NAV2: variants seen among roughly 807,000 people sequenced by gnomAD.
NAV2 encodes neuron navigator 2.
In NAV2, 54 loss-of-function variants were observed where a neutral mutation model predicts 223.2. The observed-to-expected ratio is 0.24, with a 90% CI of 0.19 to 0.30. The LOEUF is 0.30. Among genes scored for constraint, NAV2 ranks in the 10% least tolerant of loss-of-function variants. The probability of loss-of-function intolerance (pLI) is 1.00; values close to 1 mark genes in which losing one functional copy is unlikely to be tolerated. For synonymous variants in NAV2, 1,279 were observed against 1,239.3 expected (o/e 1.03, Z -0.67); for missense variants, 2,806 against 3,147.5 (o/e 0.89, Z 2.60).
At chr11:19,386,239 C>A (rs1849038179) in intron 1 of NAV2, among the ~76,000 whole-genome samples, 1 of 152,210 alleles carries the variant, frequency 6.6e-6, no homozygotes. Flanking sequence ...ACAGAAGGAA[C>A]AGCTCTGAAG....
intron 1 of NAV2, among the ~76,000 whole-genome samples, chr11:19,661,620 T>C (rs2048286038): frequency 6.6e-6 from 1 of 152,216 alleles, no homozygotes; most frequent in Admixed American, 6.5e-5. Context: ...GTTCCTTAAA[T>C]ATACTGTATT....
intron 1 of NAV2, among the ~76,000 whole-genome samples, chr11:19,489,121 G>T (rs975993820): frequency 6.6e-6 from 1 of 152,228 alleles, no homozygotes; most frequent in African/African-American, 2.4e-5. Flanking sequence ...TATCCAGAAG[G>T]TTCCCTTTAC....
chr11:19,977,372 G>A (rs894813256), intron 10 of NAV2, among the ~76,000 whole-genome samples: 2 of 152,232 alleles, frequency 1.3e-5, no homozygotes, highest in African/African-American at 4.8e-5. Flanking sequence ...TCCAAAGGTT[G>A]TTGTTGGTTT....
intron 1 of NAV2, among the ~76,000 whole-genome samples, chr11:19,491,263 G>A (rs1302867012): frequency 6.6e-6 from 1 of 152,160 alleles, no homozygotes; most frequent in African/African-American, 2.4e-5. Context: ...TTGAAGATTT[G>A]AAGCCAGCCA....
chr11:19,500,979 C>T lies in NAV2; in HGVS notation c.75+149952C>T, dbSNP rs146886466. Among the ~76,000 whole-genome samples the T allele has an allele frequency of 5.3e-5, 8 of 152,314 alleles. No homozygotes were observed. In the East Asian group the frequency reaches 7.7e-4, roughly 15 times the overall value. Reference sequence around the variant, plus strand: ...TCTCACTGGGCTAAAATCAAGGCATCGGAAGGGCTGTGTTTCTTTCTGGGT... The same window carrying T: ...TCTCACTGGGCTAAAATCAAGGCATTGGAAGGGCTGTGTTTCTTTCTGGGT... On this transcript the variant is annotated intron_variant, in intron 1 of 37. Coordinates refer to the NAV2 transcript ENST00000360655.
At chr11:19,397,418 T>TGTGC (rs57566081) in intron 1 of NAV2, among the ~76,000 whole-genome samples, 5 of 145,264 alleles carry the variant, frequency 3.4e-5, no homozygotes, top group African/African-American at 5.2e-5. Context: ...TGTGTGTGTG[T>TGTGC]GCGCGCATGT....
chr11:19,994,859 C>A (rs2051713098), intron 11 of NAV2, among the ~76,000 whole-genome samples: 1 of 152,164 alleles, frequency 6.6e-6, no homozygotes, highest in Non-Finnish European at 1.5e-5. Context: ...TGGGTTTGTT[C>A]AGAATCATCA....
chr11:20,092,409 A>T, intron 28 of NAV2, 41 bp downstream of exon 28: 1 of 1,581,540 alleles, frequency 6.3e-7, no homozygotes, highest in Non-Finnish European at 8.6e-7. Flanking sequence ...ATGGACCTAC[A>T]GCTGGCACCC....
At chr11:19,526,297 A>G (rs547219205) in intron 1 of NAV2, among the ~76,000 whole-genome samples, 1 of 152,270 alleles carries the variant, frequency 6.6e-6, no homozygotes, top group African/African-American at 2.4e-5. Context: ...GAGGCCCCAC[A>G]ATGTTTTCGT....
intron 1 of NAV2, among the ~76,000 whole-genome samples, chr11:19,592,854 AAAT>A (rs2046100330): frequency 6.6e-6 from 1 of 152,226 alleles, no homozygotes; most frequent in South Asian, 2.1e-4. Flanking sequence ...AAAAATGTTG[AAAT>A]AATGATAGAT....
intron 1 of NAV2, chr11:19,714,341 G>A (rs1274606666): frequency 2.0e-6 from 1 of 492,812 alleles, no homozygotes; most frequent in Non-Finnish European, 4.0e-6. Flanking sequence ...GTGTCTGTCT[G>A]GCGGTTCCGC....
chr11:19,975,792 G>A (rs1217605615), intron 10 of NAV2, among the ~76,000 whole-genome samples: 2 of 152,208 alleles, frequency 1.3e-5, no homozygotes, highest in East Asian at 3.9e-4. Flanking sequence ...GCTCAGCCAG[G>A]ATCTACTTCT....
chr11:19,791,467 A>G (rs1406565730), intron 1 of NAV2, among the ~76,000 whole-genome samples: 1 of 152,146 alleles, frequency 6.6e-6, no homozygotes, highest in Non-Finnish European at 1.5e-5. Flanking sequence ...GCATGACAGG[A>G]AGAAGCTGTG....
chr11:19,932,236 C>CAAAAAAAA (rs398015484), intron 6 of NAV2, among the ~76,000 whole-genome samples: 42 of 78,880 alleles, frequency 5.3e-4, no homozygotes, highest in African/African-American at 7.3e-4. Flanking sequence ...CACTCTTAAG[C>CAAAAAAAA]AAAAAAAAAA....
Position 19,373,789 on chromosome 11 carries a change from G to A in NAV2, c.75+22762G>A, listed in dbSNP as rs2133874848. Among the ~76,000 whole-genome samples the A allele has an allele frequency of 1.3e-5, 2 of 152,280 alleles. 1 individual carries two copies. The highest frequency in any genetic ancestry group is 4.1e-4 in the South Asian group (2 of 4,824). Reference sequence around the variant, plus strand: ...GCTATAGCCCTGAACCTAGAATGTGGCTGCATGTGGCCTGGGGCCAGTGAA... The same window carrying A: ...GCTATAGCCCTGAACCTAGAATGTGACTGCATGTGGCCTGGGGCCAGTGAA... On this transcript the variant is annotated intron_variant, in intron 1 of 37. Transcript: ENST00000360655.
chr11:19,399,798 C>A (rs1218860249), intron 1 of NAV2, among the ~76,000 whole-genome samples: 1 of 152,162 alleles, frequency 6.6e-6, no homozygotes, highest in Non-Finnish European at 1.5e-5. Flanking sequence ...AGTTAGCTAG[C>A]CCTTTACCAC....
chr11:19,882,800 G>T (rs1324810987), intron 5 of NAV2, among the ~76,000 whole-genome samples: 1 of 152,172 alleles, frequency 6.6e-6, no homozygotes, highest in Non-Finnish European at 1.5e-5. Flanking sequence ...ACCCTACAGT[G>T]GTGACATAGA....
At chr11:19,832,229 T>C (rs1198503088) in intron 1 of NAV2, among the ~76,000 whole-genome samples, 1 of 152,194 alleles carries the variant, frequency 6.6e-6, no homozygotes, top group African/African-American at 2.4e-5. Context: ...CCCTGTCTCA[T>C]TCAGCCCTCT....
chr11:20,059,753 A>G (rs752166355), intron 19 of NAV2, among the ~76,000 whole-genome samples: 14 of 152,198 alleles, frequency 9.2e-5, no homozygotes, highest in Non-Finnish European at 2.1e-4. Flanking sequence ...GAAGTGGCCT[A>G]GATATTCTCT....
Sources: allele counts gnomAD v4.1 joint callset (sites outside exome capture counted in the v4.1 genomes callset), GRCh38; gene constraint gnomAD v4.1.1; transcripts MANE v1.5; gene names NCBI Gene and HGNC (gene_info 2026-07-23, HGNC 2026-07-21).